Variants in PSD3 observed in about 807,000 individuals in gnomAD.
PSD3 encodes the protein pleckstrin and Sec7 domain containing 3.
PSD3 carries 49 observed loss-of-function variants against 105.5 expected under a neutral mutation model. The ratio of observed to expected loss-of-function variants is 0.46; its 90% CI spans 0.37 to 0.59. PSD3 has a LOEUF of 0.59. PSD3 is among the 20% of genes least tolerant of loss of function. The probability of loss-of-function intolerance (pLI) is 0.00; values close to 1 mark genes in which losing one functional copy is unlikely to be tolerated. For synonymous variants in PSD3, 557 were observed against 457.8 expected, an observed-to-expected ratio of 1.22 and a Z score of -2.77; for missense variants, 1,561 against 1,263.8, an observed-to-expected ratio of 1.24 and a Z score of -3.57.
intron 8 of PSD3, among the ~76,000 whole-genome samples, chr8:18,780,573 A>C (rs533113265): frequency 6.6e-6 from 1 of 151,690 alleles, no homozygotes; most frequent in South Asian, 2.1e-4. Context: ...TTTTTGTGAG[A>C]CCGACACTCA....
chr8:18,968,757 T>C (rs1311930985), intron 1 of PSD3, among the ~76,000 whole-genome samples: 1 of 151,376 alleles, frequency 6.6e-6, no homozygotes, highest in African/African-American at 2.4e-5. Flanking sequence ...GTGCCTGTAA[T>C]CCCAGCTACT....
Position 18,717,047 on chromosome 8 carries a change from T to C in PSD3, c.2172+48402A>G, listed in dbSNP as rs905198719. Among the ~76,000 whole-genome samples, 11 of 152,312 alleles carry C rather than the reference T, an allele frequency of 7.2e-5. No homozygotes were observed. In the East Asian group the frequency reaches 2.1e-3, roughly 29 times the overall value. ...AAAACTCAGACCTCTGGACTTAAAATCCTGAGATTCTTCCTAGTTAGAAAC... is the reference window on the plus strand; with the variant it reads ...AAAACTCAGACCTCTGGACTTAAAACCCTGAGATTCTTCCTAGTTAGAAAC... On this transcript the variant is annotated intron_variant, in intron 9 of 15. Coordinates refer to ENST00000327040, the MANE Select transcript of PSD3 (RefSeq NM_015310.4).
At chr8:18,548,642 C>T (rs1055865606) in intron 15 of PSD3, among the ~76,000 whole-genome samples, 1 of 152,206 alleles carries the variant, frequency 6.6e-6, no homozygotes, top group East Asian at 1.9e-4. Flanking sequence ...CCAGTGTCCT[C>T]TAATGCTCAA....
intron 9 of PSD3, among the ~76,000 whole-genome samples, chr8:18,663,399 C>G (rs1809499225): frequency 6.6e-6 from 1 of 151,106 alleles, no homozygotes; most frequent in Non-Finnish European, 1.5e-5. Flanking sequence ...GCACTCCAGC[C>G]TGGGCGACAG....
chr8:19,007,522 G>C (rs1265909124), intron 1 of PSD3, among the ~76,000 whole-genome samples: 3 of 152,000 alleles, frequency 2.0e-5, no homozygotes, highest in Admixed American at 1.3e-4. Context: ...AAGCTCTATT[G>C]AACAATGCTG....
chr8:19,075,267 A>C (rs1451934543), intron 1 of PSD3, among the ~76,000 whole-genome samples: 1 of 152,120 alleles, frequency 6.6e-6, no homozygotes, highest in Non-Finnish European at 1.5e-5. Context: ...GAATTTTTAA[A>C]GTAGATTTAT....
chr8:18,574,529 C>G (rs1287535123), intron 13 of PSD3, among the ~76,000 whole-genome samples: 1 of 152,164 alleles, frequency 6.6e-6, no homozygotes, highest in Non-Finnish European at 1.5e-5. Flanking sequence ...CTAAAACTGG[C>G]AATTCATCCC....
chr8:18,947,481 A>G (rs1169831744), intron 1 of PSD3, among the ~76,000 whole-genome samples: 1 of 152,160 alleles, frequency 6.6e-6, no homozygotes. Context: ...CCAGTGTGAA[A>G]GACGCTCCCC....
chr8:19,040,371 A>C (rs1223068506), intron 1 of PSD3, among the ~76,000 whole-genome samples: 5 of 151,914 alleles, frequency 3.3e-5, no homozygotes, highest in Admixed American at 6.6e-5. Context: ...CCCCTGGCTA[A>C]TTTTTGTATG....
At chr8:18,779,239 A>G (rs1218464087) in intron 8 of PSD3, among the ~76,000 whole-genome samples, 1 of 152,162 alleles carries the variant, frequency 6.6e-6, no homozygotes, top group African/African-American at 2.4e-5. Flanking sequence ...TTGTTCAGAC[A>G]GTTGTTCACG....
intron 15 of PSD3, among the ~76,000 whole-genome samples, chr8:18,549,781 T>C (rs1230211809): frequency 6.6e-6 from 1 of 152,230 alleles, no homozygotes; most frequent in Non-Finnish European, 1.5e-5. Flanking sequence ...TCACCTGACA[T>C]TCCTGAACTG....
chr8:18,888,214 G>GA (rs1381856204), intron 2 of PSD3, among the ~76,000 whole-genome samples: 3 of 152,184 alleles, frequency 2.0e-5, no homozygotes, highest in Non-Finnish European at 4.4e-5. Flanking sequence ...GGATATAGAT[G>GA]AGAGTGTGCA....
intron 9 of PSD3, among the ~76,000 whole-genome samples, chr8:18,660,321 G>A (rs1310901962): frequency 6.6e-6 from 1 of 152,066 alleles, no homozygotes; most frequent in Non-Finnish European, 1.5e-5. Flanking sequence ...CTTTTCCCCT[G>A]AACCCTCCAG....
intron 15 of PSD3, among the ~76,000 whole-genome samples, chr8:18,539,659 T>C (rs1585198585): frequency 6.6e-6 from 1 of 150,946 alleles, no homozygotes; most frequent in African/African-American, 2.4e-5. Flanking sequence ...GCAATTCCCC[T>C]GCCTCAGCCT....
intron 1 of PSD3, among the ~76,000 whole-genome samples, chr8:19,057,995 C>T (rs975156143): frequency 1.3e-5 from 2 of 152,298 alleles, no homozygotes; most frequent in African/African-American, 4.8e-5. Flanking sequence ...GGACCACTTA[C>T]AGCCCCTCTA....
chr8:19,026,967 C>CA (rs1449622416), intron 1 of PSD3, among the ~76,000 whole-genome samples: 1 of 151,970 alleles, frequency 6.6e-6, no homozygotes, highest in Non-Finnish European at 1.5e-5. Context: ...TTATTTTGGG[C>CA]AAGAATAGTA....
At position 18,575,201 on chromosome 8, in the gene PSD3, T is replaced by A; in HGVS notation, c.2566A>T (p.Thr856Ser). 1.2e-6 allele frequency: 2 copies of A among 1,614,030 alleles called. No homozygotes were observed. Among genetic ancestry groups the A allele is most frequent in the East Asian group, 2.2e-5 (1 of 44,856 alleles). ...SVHHALASKA[T>S]DYEKKPNVFK... ...ACGTTTGGTTTCTTCTCATAGTCCG[T>A]GGCCTTGGATGCCAATGCGTGGTGC... The change falls in exon 13 of 16, where the codon ACG becomes TCG. Residue 856 changes from threonine (T) to serine (S), a missense_variant. Physicochemically the swap from Thr to Ser is moderately conservative, Grantham distance 58. Coordinates refer to ENST00000327040, the MANE Select transcript of PSD3 (RefSeq NM_015310.4).
At chr8:19,023,671 A>C (rs1827441646) in intron 1 of PSD3, among the ~76,000 whole-genome samples, 1 of 152,168 alleles carries the variant, frequency 6.6e-6, no homozygotes, top group Admixed American at 6.5e-5. Flanking sequence ...TCCCGGCCTC[A>C]AGTGATCCTC....
chr8:18,712,997 T>C (rs1802347234), intron 9 of PSD3, among the ~76,000 whole-genome samples: 1 of 152,174 alleles, frequency 6.6e-6, no homozygotes, highest in Non-Finnish European at 1.5e-5. Context: ...AATCAGTTAA[T>C]GTAATTCATC....
Sources: gnomAD v4.1 joint callset for allele counts (sites outside exome capture counted in the v4.1 genomes callset) on GRCh38, gnomAD v4.1.1 for gene constraint, MANE v1.5 for transcripts, NCBI Gene and HGNC (gene_info 2026-07-23, HGNC 2026-07-21) for gene names.